The following GRXCR2 variants were observed in gnomAD, a reference collection of about 807,000 sequenced individuals.
GRXCR2 encodes the protein glutaredoxin domain-containing cysteine-rich protein 2.
GRXCR2 carries 23 observed loss-of-function variants against 24.8 expected under a neutral mutation model. The ratio of observed to expected loss-of-function variants is 0.93; its 90% CI spans 0.67 to 1.32. GRXCR2 has a LOEUF of 1.32. Ranked by LOEUF, GRXCR2 falls within the 40% of genes most tolerant of loss-of-function variation. The pLI, the probability that GRXCR2 is intolerant of heterozygous loss-of-function variation, is 0.00. For synonymous variants in GRXCR2, 130 were observed against 116.1 expected, an observed-to-expected ratio of 1.12 and a Z score of -0.77; for missense variants, 315 against 303.4, an observed-to-expected ratio of 1.04 and a Z score of -0.28.
chr5:145,888,109 T>C (rs956829841), intron 2 of GRXCR2, among the ~76,000 whole-genome samples: 4 of 152,180 alleles, frequency 2.6e-5, no homozygotes, highest in Non-Finnish European at 4.4e-5. Flanking sequence ...TTATGTCTGA[T>C]GGATTAAGAG....
chr5:145,893,890 A>T (rs1339940082), intron 2 of GRXCR2, among the ~76,000 whole-genome samples: 3 of 152,080 alleles, frequency 2.0e-5, no homozygotes, highest in Non-Finnish European at 4.4e-5. Context: ...GAAGTAAAGC[A>T]CTCCTCAGCA....
chr5:145,925,777 T>C (rs1222860876), intron 2 of GRXCR2, among the ~76,000 whole-genome samples: 1 of 152,170 alleles, frequency 6.6e-6, no homozygotes, highest in Admixed American at 6.6e-5. Context: ...AAATGTCTAA[T>C]TGCTTTGACA....
chr5:145,901,072 C>G lies in GRXCR2; in HGVS notation c.-69-34344G>C, dbSNP rs187854776. 2.0e-5 allele frequency among the ~76,000 whole-genome samples: 3 copies of G among 150,744 alleles called. No homozygotes were observed. In the East Asian group the frequency reaches 5.9e-4, roughly 30 times the overall value. On this transcript the variant is annotated intron_variant, in intron 2 of 3. Coordinates refer to the GRXCR2 transcript ENST00000639411. ...CAGAAAACCAAATCCCACATGTTTT[C>G]ACTTGTAAGTGGAAGGTAAATATCA...
At chr5:145,874,850 C>T (rs548495184), upstream of GRXCR2, among the ~76,000 whole-genome samples, 1 of 152,170 alleles carries the variant, frequency 6.6e-6, no homozygotes, top group Non-Finnish European at 1.5e-5. Context: ...GTTCCAGTTA[C>T]ACCAACAAGC....
intron 2 of GRXCR2, among the ~76,000 whole-genome samples, chr5:145,916,938 G>T (rs1366022255): frequency 1.3e-5 from 2 of 152,122 alleles, no homozygotes; most frequent in African/African-American, 4.8e-5. Flanking sequence ...AGCAAGCGTG[G>T]AAACTAACTT....
chr5:145,921,168 A>G (rs1003611944), intron 2 of GRXCR2, among the ~76,000 whole-genome samples: 1 of 152,222 alleles, frequency 6.6e-6, no homozygotes, highest in African/African-American at 2.4e-5. Context: ...GTAGGTAAGC[A>G]ATTTTTCTAA....
chr5:145,872,758 G>T lies in GRXCR2; in HGVS notation c.211C>A (p.Pro71Thr). The change falls in exon 1 of 3, where the codon CCC (proline) becomes ACC (threonine). Residue 71 changes from proline (P) to threonine (T), a missense_variant. Physicochemically the swap from Pro to Thr is conservative, Grantham distance 38. Transcript: ENST00000377976. Reference sequence around the variant, plus strand: ...TTAGGGGAGCACATCTGGGGCCTGGGGACTTCCCCAGACCCATAAACACCA... The same window carrying T: ...TTAGGGGAGCACATCTGGGGCCTGGTGACTTCCCCAGACCCATAAACACCA... ...MDGVYGSGEV[P>T]RPQMCSPKLT... 1.2e-6 allele frequency: 2 copies of T among 1,614,034 alleles called. No individual in the cohort carries two copies. Among genetic ancestry groups the T allele is most frequent in the Non-Finnish European group, 1.7e-6 (2 of 1,179,930 alleles).
intron 2 of GRXCR2, among the ~76,000 whole-genome samples, chr5:145,919,251 T>C (rs1757284962): frequency 2.0e-5 from 3 of 152,306 alleles, no homozygotes; most frequent in South Asian, 4.1e-4. Flanking sequence ...TGGATAATTC[T>C]GGAAAAGTGA....
intron 2 of GRXCR2, among the ~76,000 whole-genome samples, chr5:145,860,282 A>G (rs188561172): frequency 1.6e-4 from 25 of 152,328 alleles, no homozygotes; most frequent in Admixed American, 3.9e-4. Flanking sequence ...CATGCCTGAT[A>G]GGTGCCAGGT....
At chr5:145,927,420 TGA>T (rs1757414168) in intron 2 of GRXCR2, among the ~76,000 whole-genome samples, 1 of 152,310 alleles carries the variant, frequency 6.6e-6, no homozygotes, top group African/African-American at 2.4e-5. Context: ...ACTAATTTAT[TGA>T]GAGTTTTTAG....
chr5:145,898,658 A>G (rs1326408752), intron 2 of GRXCR2, among the ~76,000 whole-genome samples: 1 of 152,132 alleles, frequency 6.6e-6, no homozygotes, highest in Non-Finnish European at 1.5e-5. Context: ...AATTCACCAC[A>G]TAAAAAATTA....
chr5:145,893,573 G>C (rs1332571457), intron 2 of GRXCR2, among the ~76,000 whole-genome samples: 2 of 152,174 alleles, frequency 1.3e-5, no homozygotes, highest in African/African-American at 4.8e-5. Context: ...AATTCAACAA[G>C]AAGAGCTAAC....
In GRXCR2 at chr5:145,859,182, C is replaced by T. The variant is rs545800290; in HGVS notation, c.*551G>A. On this transcript the variant is annotated 3_prime_UTR_variant, in exon 3 of 3. Coordinates refer to ENST00000377976, the MANE Select transcript of GRXCR2 (RefSeq NM_001080516.2). ...TTCAGGACTTTGAAAGGGAAGGCTCCTTGGCTTGCCTGTCTCCACAGTGAA... is the reference window on the plus strand; with the variant it reads ...TTCAGGACTTTGAAAGGGAAGGCTCTTTGGCTTGCCTGTCTCCACAGTGAA... The T allele has an allele frequency of 1.3e-5, 2 of 154,918 alleles. No individual in the cohort carries two copies. Among genetic ancestry groups the T allele is most frequent in the East Asian group, 1.9e-4 (1 of 5,194 alleles). The allele number at this position is 154,918 out of a possible 1,614,324, so 9.6% of individuals were successfully genotyped here. A position where few individuals can be genotyped will look rare whatever the true frequency, so the allele number is the denominator to read the frequency against.
chr5:145,866,314 T>C (rs886701481), intron 2 of GRXCR2, among the ~76,000 whole-genome samples, 187 bp downstream of exon 2: 2 of 152,240 alleles, frequency 1.3e-5, no homozygotes, highest in African/African-American at 4.8e-5. Context: ...TATGGACTTA[T>C]AACTGCTATT....
chr5:145,886,886 C>T (rs1756786628), intron 2 of GRXCR2, among the ~76,000 whole-genome samples: 1 of 152,114 alleles, frequency 6.6e-6, no homozygotes, highest in East Asian at 1.9e-4. Flanking sequence ...TCCTACTAAA[C>T]CCTTTAATTC....
intron 2 of GRXCR2, among the ~76,000 whole-genome samples, chr5:145,893,797 T>G (rs1168441757): frequency 1.3e-5 from 2 of 152,122 alleles, no homozygotes; most frequent in Non-Finnish European, 2.9e-5. Flanking sequence ...CAGACATCTA[T>G]AGAACTCTCC....
chr5:145,926,813 T>C (rs1757404155), intron 2 of GRXCR2, among the ~76,000 whole-genome samples: 1 of 152,224 alleles, frequency 6.6e-6, no homozygotes, highest in African/African-American at 2.4e-5. Context: ...ATAAATTACC[T>C]TGGGCAGTAT....
chr5:145,882,303 T>G (rs1444987416), intron 2 of GRXCR2, among the ~76,000 whole-genome samples: 2 of 151,998 alleles, frequency 1.3e-5, no homozygotes, highest in African/African-American at 4.8e-5. Context: ...GAATCTACAA[T>G]GAACTCAAAC....
intron 2 of GRXCR2, among the ~76,000 whole-genome samples, chr5:145,893,194 A>T (rs537042307): frequency 6.6e-5 from 10 of 152,346 alleles, no homozygotes; most frequent in Admixed American, 5.9e-4. Context: ...AATTGTAAAG[A>T]CCATCAAGGC....
Sources: allele counts gnomAD v4.1 joint callset (sites outside exome capture counted in the v4.1 genomes callset), GRCh38; gene constraint gnomAD v4.1.1; transcripts MANE v1.5; gene names NCBI Gene and HGNC (gene_info 2026-07-23, HGNC 2026-07-21).